The following CHADL variants were observed in gnomAD, a reference collection of about 807,000 sequenced individuals.
CHADL encodes the protein chondroadherin like, also known as chondroadherin-like protein.
A neutral mutation model predicts 52.1 loss-of-function variants in CHADL; 48 were observed. The ratio of observed to expected loss-of-function variants is 0.92; its 90% CI spans 0.73 to 1.17. The LOEUF (loss-of-function observed/expected upper bound fraction) is 1.17. CHADL is among the 50% of genes most tolerant of loss of function. CHADL has a pLI of 0.00. For synonymous variants in CHADL, 498 were observed against 511.2 expected (o/e 0.97, Z 0.35); for missense variants, 977 against 1,035.1 (o/e 0.94, Z 0.77).
Position 41,237,202 on chromosome 22 carries a change from A to G in CHADL, c.1870T>C (p.Phe624Leu). Residue 624 changes from phenylalanine (F) to leucine (L), a missense_variant, in exon 3 of 6, where the codon TTC (phenylalanine) becomes CTC (leucine). Transcript: ENST00000216241. ...QPVGRSLQHL[F>L]LNSSGLEQIC... ...TGCTCCAGGCCACTGCTGTTCAGGA[A>G]GAGGTGCTGCAGCGACCTGCCCACA... 3 of 1,546,482 alleles carry G rather than the reference A, an allele frequency of 1.9e-6. No individual in the cohort carries two copies. The highest frequency in any genetic ancestry group is 2.4e-5 in the South Asian group (2 of 83,862).
At chr22:41,239,393 C>A (rs2032820779) in intron 2 of CHADL, 50 bp downstream of exon 2, 1 of 1,518,040 alleles carries the variant, frequency 6.6e-7, no homozygotes, top group Admixed American at 2.2e-5. Flanking sequence ...CCCTCTGGGT[C>A]CCCACCTTGC....
chr22:41,229,761 T>C lies in CHADL; in HGVS notation c.2263-31A>G, dbSNP rs549536750. On this transcript the variant is annotated intron_variant, in intron 5 of 5. Transcript: ENST00000216241. ...CACAGAAGAGTAGAGTCAGGTTTCTTTGGCATTTTCTGGGCACCAAGCAGT... is the reference window on the plus strand; with the variant it reads ...CACAGAAGAGTAGAGTCAGGTTTCTCTGGCATTTTCTGGGCACCAAGCAGT... The C allele has an allele frequency of 3.1e-6, 5 of 1,590,534 alleles. No homozygotes were observed. In the African/African-American group the frequency reaches 6.7e-5, roughly 21 times the overall value.
intron 5 of CHADL, among the ~76,000 whole-genome samples, chr22:41,231,750 C>T (rs1179605257): frequency 6.6e-6 from 1 of 152,156 alleles, no homozygotes; most frequent in Non-Finnish European, 1.5e-5. Flanking sequence ...ATTTGCAAAC[C>T]CCTCATCCCT....
chr22:41,236,891 C>G (rs1161986046), intron 3 of CHADL, among the ~76,000 whole-genome samples: 1 of 152,220 alleles, frequency 6.6e-6, no homozygotes, highest in Non-Finnish European at 1.5e-5. Context: ...GGCAAAACCT[C>G]TTGGGGGCTC....
chr22:41,235,445 G>C (rs1006879736), intron 4 of CHADL, 102 bp from the exon 5 acceptor site: 1 of 871,046 alleles, frequency 1.1e-6, no homozygotes, highest in Admixed American at 2.4e-5. Flanking sequence ...GCAGAAGGCA[G>C]CACAAGGCCA....
chr22:41,237,428 G>A lies in CHADL; in HGVS notation c.1644C>T (p.Arg548=). Residue 548 remains arginine, a synonymous_variant, in exon 3 of 6, where the codon CGC becomes CGT. Coordinates refer to ENST00000216241, the MANE Select transcript of CHADL (RefSeq NM_138481.2). ...TGCGGTTTCCACTCAGGTAGACCCA[G>A]CGCAAGGCCCGTGTTCTCCCCAGGT... ...PGDLGRTRAL[R]WVYLSGNRIT... is the part of the protein sequence containing the mutation. 6.4e-7 allele frequency: 1 copy of A among 1,550,506 alleles called. No homozygotes were observed. The highest frequency in any genetic ancestry group is 8.7e-7 in the Non-Finnish European group (1 of 1,146,960).
At chr22:41,240,806 CAG>C (rs1569160693) in intron 1 of CHADL, 66 bp downstream of exon 1, 1 of 1,538,688 alleles carries the variant, frequency 6.5e-7, no homozygotes, top group South Asian at 1.2e-5. Flanking sequence ...CCAGAGGGGG[CAG>C]AGACTTACCT....
chr22:41,240,743 C>T, intron 1 of CHADL, 131 bp downstream of exon 1: 1 of 1,107,028 alleles, frequency 9.0e-7, no homozygotes, highest in Non-Finnish European at 1.3e-6. Flanking sequence ...GACCCCCTTC[C>T]TGGAGAACCC....
Position 41,238,662 on chromosome 22 carries a change from C to T in CHADL, c.410G>A (p.Arg137Gln), listed in dbSNP as rs2032802623. Residue 137 changes from arginine (R) to glutamine (Q), a missense_variant, in exon 3 of 6, where the codon CGG becomes CAG. Transcript: ENST00000216241. This position sits in a 1 kb window ranked among gnomAD's most constrained non-coding sequence, Gnocchi z 4.9. ...TGCGTTCCCCTCCAGCTCCAGCCGC[C>T]GCAACGAGCCCAGCCCGTCCAGCGC... is the stretch of plus-strand genomic sequence containing the variant. The part of the protein sequence containing the change: ...QEALDGLGSL[R>Q]RLELEGNALE... 6.5e-7 allele frequency: 1 copy of T among 1,544,856 alleles called. No homozygotes were observed. Among genetic ancestry groups the T allele is most frequent in the African/African-American group, 1.4e-5 (1 of 73,096 alleles).
chr22:41,231,084 A>C (rs554366404), intron 5 of CHADL: 1 of 152,226 alleles, frequency 6.6e-6, no homozygotes, highest in Admixed American at 6.5e-5. Flanking sequence ...GCCTCTAGAG[A>C]GCTGGGCTTG....
At chr22:41,239,188 T>A (rs911132622) in intron 2 of CHADL, among the ~76,000 whole-genome samples, 1 of 152,238 alleles carries the variant, frequency 6.6e-6, no homozygotes, top group Non-Finnish European at 1.5e-5. Flanking sequence ...GGGTCTGCAG[T>A]GAATTCAGTA....
At position 41,229,847 on chromosome 22, in the gene CHADL, TC is replaced by T. The variant is rs2032461897; in HGVS notation, c.2263-118del. The T allele has an allele frequency of 3.1e-6, 3 of 968,622 alleles. No homozygotes were observed. In the Admixed American group the frequency reaches 6.0e-5, roughly 19 times the overall value. 60.0% of individuals were successfully genotyped at this position (968,622 alleles called of 1,614,324 possible). Reference sequence around the variant, plus strand: ...GCCCCCAACTGTGAATGGAGCTGAGTCCCCCTCTAGCCCGGCCCCGGCCCCT... The same window carrying T: ...GCCCCCAACTGTGAATGGAGCTGAGTCCCCTCTAGCCCGGCCCCGGCCCCT... On this transcript the variant is annotated intron_variant, in intron 5 of 5. Transcript: ENST00000216241.
chr22:41,235,058 A>C, intron 5 of CHADL, 87 bp downstream of exon 5: 3 of 1,364,904 alleles, frequency 2.2e-6, no homozygotes, highest in Non-Finnish European at 3.0e-6. Context: ...AATCAGGACC[A>C]AGCCAAGTCA....
chr22:41,239,340 G>A (rs1023347598), intron 2 of CHADL, 103 bp downstream of exon 2: 21 of 1,049,636 alleles, frequency 2.0e-5, no homozygotes, highest in Middle Eastern at 2.6e-4. Context: ...AAGGTCTCCC[G>A]GGCAGGCGGT....
intron 3 of CHADL, among the ~76,000 whole-genome samples, 178 bp from the exon 4 acceptor site, chr22:41,236,828 C>G (rs1397988960): frequency 6.6e-6 from 1 of 152,240 alleles, no homozygotes; most frequent in Non-Finnish European, 1.5e-5. Flanking sequence ...AACACTTGCT[C>G]CGTCCAAGTC....
intron 4 of CHADL, 150 bp downstream of exon 4, chr22:41,236,333 AG>A: frequency 1.6e-6 from 1 of 643,962 alleles, no homozygotes; most frequent in South Asian, 2.0e-5. Context: ...AACCCTGGAA[AG>A]GGCTTATACA....
Position 41,238,336 on chromosome 22 carries a change from C to T in CHADL, c.736G>A (p.Gly246Ser). The T allele has an allele frequency of 6.6e-7, 1 of 1,516,650 alleles. No individual in the cohort carries two copies. Among genetic ancestry groups the T allele is most frequent in the Non-Finnish European group, 8.8e-7 (1 of 1,138,984 alleles). 93.9% of individuals were successfully genotyped at this position (1,516,650 alleles called of 1,614,324 possible). The change falls in exon 3 of 6, where the codon GGC (glycine) becomes AGC (serine). Residue 246 changes from glycine (G) to serine (S), a missense_variant. Coordinates refer to ENST00000216241, the MANE Select transcript of CHADL (RefSeq NM_138481.2). This position sits in a 1 kb window ranked among gnomAD's most constrained non-coding sequence, Gnocchi z 4.9. ...ELGHNPLTYAGEEDGLALPGL... is the reference protein window; with the variant it reads ...ELGHNPLTYASEEDGLALPGL... ...GGCAGCGCCAGCCCGTCCTCCTCGC[C>T]CGCGTAGGTGAGCGGGTTGTGGCCC...
rs1447276211 is a variant in CHADL, at chr22:41,237,406, G to A, written c.1666C>T (p.Arg556Cys). 1 of 1,550,500 alleles carries A rather than the reference G, an allele frequency of 6.4e-7. No homozygotes were observed. Among genetic ancestry groups the A allele is most frequent in the African/African-American group, 1.4e-5 (1 of 73,064 alleles). The change falls in exon 3 of 6, where the codon CGC becomes TGC. Residue 556 changes from arginine to cysteine, a missense_variant. Coordinates refer to ENST00000216241, the MANE Select transcript of CHADL (RefSeq NM_138481.2). Reference protein sequence around the residue: ...ALRWVYLSGNRITEVSLGALG... With the variant: ...ALRWVYLSGNCITEVSLGALG... ...GCCCCAAGGGACACTTCGGTGATGC[G>A]GTTTCCACTCAGGTAGACCCAGCGC...
At chr22:41,240,288 G>C (rs980198068) in intron 1 of CHADL, among the ~76,000 whole-genome samples, 2 of 152,242 alleles carry the variant, frequency 1.3e-5, no homozygotes, top group East Asian at 3.9e-4. Flanking sequence ...ACAGGGTCTC[G>C]CTATGTTGCC....
Sources: allele counts gnomAD v4.1 joint callset (sites outside exome capture counted in the v4.1 genomes callset), GRCh38; gene constraint gnomAD v4.1.1; non-coding constraint Gnocchi (gnomAD v3.1); transcripts MANE v1.5; gene names NCBI Gene and HGNC (gene_info 2026-07-23, HGNC 2026-07-21).